The following WDFY1 variants were observed in gnomAD, a reference collection of about 807,000 sequenced individuals.
The protein encoded by WDFY1 is WD repeat and FYVE domain containing 1, also known as WD repeat and FYVE domain-containing protein 1.
A neutral mutation model predicts 56.4 loss-of-function variants in WDFY1; 32 were observed. That is an observed-to-expected ratio of 0.57 (90% CI 0.43 to 0.76). WDFY1 has a LOEUF of 0.76. Among genes scored for constraint, WDFY1 ranks in the 30% least tolerant of loss-of-function variants. The pLI is 0.00. For synonymous variants in WDFY1, 192 were observed against 197.3 expected (o/e 0.97, Z 0.23); for missense variants, 480 against 545.7 (o/e 0.88, Z 1.20).
At chr2:223,907,869 CTTTCT>C (rs1693625262) in intron 3 of WDFY1, among the ~76,000 whole-genome samples, 1 of 22,844 alleles carries the variant, frequency 4.4e-5, no homozygotes, top group East Asian at 6.3e-4. Context: ...TTTTTTTTCT[CTTTCT>C]TTTGAGACAG....
intron 1 of WDFY1, among the ~76,000 whole-genome samples, chr2:223,926,198 G>A (rs1693975548): frequency 6.6e-6 from 1 of 152,132 alleles, no homozygotes; most frequent in Non-Finnish European, 1.5e-5. Flanking sequence ...TCAGGCTGGA[G>A]TGCAGTAGCA....
chr2:223,895,153 C>G (rs1345875104), intron 7 of WDFY1, among the ~76,000 whole-genome samples: 1 of 152,202 alleles, frequency 6.6e-6, no homozygotes, highest in African/African-American at 2.4e-5. Context: ...TTACATGCAA[C>G]CTTCCATGGT....
intron 5 of WDFY1, among the ~76,000 whole-genome samples, chr2:223,899,809 G>A (rs991012193): frequency 6.6e-6 from 1 of 152,044 alleles, no homozygotes; most frequent in African/African-American, 2.4e-5. Flanking sequence ...AAAACAGCAA[G>A]AAAGCTCTGA....
chr2:223,912,300 G>C lies in WDFY1; in HGVS notation c.232C>G (p.His78Asp), dbSNP rs775872478. 43 of 1,610,788 alleles carry C rather than the reference G, an allele frequency of 2.7e-5. 1 individual carries two copies. The South Asian group carries it at 4.7e-4, about 17-fold the overall frequency. ...ASPCSAMAYH[H>D]DSRRIFVGQD... ...CCCACAAATATCCGTCTGCTGTCAT[G>C]ATGGTAAGCCATAGCAGAGCAAGGA... is the stretch of plus-strand genomic sequence containing the variant. The change falls in exon 3 of 12, where the codon CAT (histidine) becomes GAT (aspartate). Residue 78 changes from histidine (H) to aspartate (D), a missense_variant. Transcript: ENST00000233055.
At position 223,876,629 on chromosome 2, in the gene WDFY1, T is replaced by C. The variant is rs181227146; in HGVS notation, c.*2042A>G. The C allele has an allele frequency of 1.4e-4, 22 of 152,286 alleles. No homozygotes were observed. The East Asian group carries it at 3.9e-3, about 27-fold the overall frequency. The allele number at this position is 152,286 out of a possible 1,614,324, so 9.4% of individuals were successfully genotyped here. On this transcript the variant is annotated 3_prime_UTR_variant, in exon 12 of 12. Transcript: ENST00000233055. ...GCACTATAATAACTTTATGTTCCCA[T>C]GGAACATAGGGTTTTTCAAGAATTT...
rs188700403 is a variant in WDFY1 at position 223,876,533 on chromosome 2, T to A, written c.*2138A>T. ...ATATGGAAACATCAGCCTTTCCTTT[T>A]CTAAGATACGTCACTCCAATTCTTC... On this transcript the variant is annotated 3_prime_UTR_variant, in exon 12 of 12. Coordinates refer to ENST00000233055, the MANE Select transcript of WDFY1 (RefSeq NM_020830.5). 3.1e-4 allele frequency: 48 copies of A among 152,406 alleles called. No homozygotes were observed. Among genetic ancestry groups the A allele is most frequent in the Admixed American group, 1.9e-3 (29 of 15,306 alleles). The allele number at this position is 152,406 out of a possible 1,614,324, so 9.4% of individuals were successfully genotyped here. A position where few individuals can be genotyped will look rare whatever the true frequency, so the allele number is the denominator to read the frequency against.
intron 5 of WDFY1, among the ~76,000 whole-genome samples, chr2:223,900,347 T>A (rs1693484991): frequency 6.6e-6 from 1 of 152,236 alleles, no homozygotes; most frequent in South Asian, 2.1e-4. Flanking sequence ...ATGCTGTGCA[T>A]TCATTTGTAG....
intron 1 of WDFY1, among the ~76,000 whole-genome samples, chr2:223,918,769 T>C (rs1693837921): frequency 6.6e-6 from 1 of 152,180 alleles, no homozygotes; most frequent in Non-Finnish European, 1.5e-5. Context: ...AGGCGGTGGC[T>C]GTGAGTGGGA....
At chr2:223,894,163 T>A (rs1693322528) in intron 8 of WDFY1, 71 bp downstream of exon 8, 1 of 1,512,190 alleles carries the variant, frequency 6.6e-7, no homozygotes, top group Non-Finnish European at 9.1e-7. Flanking sequence ...GCTTGCGGGG[T>A]GAAAAGCCAA....
At chr2:223,906,725 G>A (rs1693602632) in intron 3 of WDFY1, among the ~76,000 whole-genome samples, 2 of 151,794 alleles carry the variant, frequency 1.3e-5, no homozygotes, top group African/African-American at 4.8e-5. Context: ...TCACCATGTT[G>A]GCTAGGATGG....
intron 1 of WDFY1, among the ~76,000 whole-genome samples, chr2:223,927,556 G>A (rs1187148753): frequency 6.6e-6 from 1 of 152,148 alleles, no homozygotes; most frequent in Non-Finnish European, 1.5e-5. Context: ...TCTGGATGAG[G>A]CTTTGGCTTA....
chr2:223,892,776 A>G (rs1384677776), intron 8 of WDFY1, among the ~76,000 whole-genome samples: 1 of 152,254 alleles, frequency 6.6e-6, no homozygotes, highest in African/African-American at 2.4e-5. Context: ...ACATATTGCC[A>G]TAAAGGACAG....
At chr2:223,922,041 T>C (rs1693896240) in intron 1 of WDFY1, among the ~76,000 whole-genome samples, 1 of 152,010 alleles carries the variant, frequency 6.6e-6, no homozygotes, top group Non-Finnish European at 1.5e-5. Context: ...TTATCTCAAA[T>C]CCAGATTCAA....
intron 1 of WDFY1, among the ~76,000 whole-genome samples, chr2:223,922,441 C>G (rs771341163): frequency 6.6e-6 from 1 of 152,190 alleles, no homozygotes; most frequent in Non-Finnish European, 1.5e-5. Flanking sequence ...AGCATTAACT[C>G]TGTTCAAGGA....
At chr2:223,941,923 T>C (rs1689311342) in intron 1 of WDFY1, among the ~76,000 whole-genome samples, 1 of 151,984 alleles carries the variant, frequency 6.6e-6, no homozygotes, top group Non-Finnish European at 1.5e-5. Flanking sequence ...GTGTAGCACC[T>C]ACTAAAAAGG....
At chr2:223,879,063 T>C (rs1693021072) in intron 11 of WDFY1, among the ~76,000 whole-genome samples, 1 of 152,182 alleles carries the variant, frequency 6.6e-6, no homozygotes, top group African/African-American at 2.4e-5. Context: ...GGCACATGCC[T>C]GTGGTCCCAG....
intron 3 of WDFY1, among the ~76,000 whole-genome samples, chr2:223,906,563 CAG>C (rs1161325106): frequency 2.5e-4 from 38 of 152,100 alleles, no homozygotes; most frequent in Non-Finnish European, 3.7e-4. Flanking sequence ...TATTTAGAGA[CAG>C]AGTTTCGCTC....
At chr2:223,898,647 ACACCTAATTC>A (rs1256211465) in intron 6 of WDFY1, among the ~76,000 whole-genome samples, 1 of 152,090 alleles carries the variant, frequency 6.6e-6, no homozygotes, top group Non-Finnish European at 1.5e-5. Context: ...CTCAAGTGGT[ACACCTAATTC>A]GGCCCCCAAA....
At position 223,920,683 on chromosome 2, in the gene WDFY1, T is replaced by C. The variant is rs186043049; in HGVS notation, c.138-2673A>G. On this transcript the variant is annotated intron_variant, in intron 1 of 11. Coordinates refer to ENST00000233055, the MANE Select transcript of WDFY1 (RefSeq NM_020830.5). Reference sequence around the variant, plus strand: ...AAAACAAAGTCTCACCAGGCATGGCTGGTGCACGATCCTGAGGAGAAAATG... The same window carrying C: ...AAAACAAAGTCTCACCAGGCATGGCCGGTGCACGATCCTGAGGAGAAAATG... 1.5e-3 allele frequency among the ~76,000 whole-genome samples: 227 copies of C among 152,336 alleles called. 3 individuals are homozygous for C. The highest frequency in any genetic ancestry group is 4.9e-3 in the African/African-American group (204 of 41,586).
Sources: gnomAD v4.1 joint callset for allele counts (sites outside exome capture counted in the v4.1 genomes callset) on GRCh38, gnomAD v4.1.1 for gene constraint, MANE v1.5 for transcripts, NCBI Gene and HGNC (gene_info 2026-07-23, HGNC 2026-07-21) for gene names.